PARD3: variants seen among roughly 807,000 people sequenced by gnomAD.
PARD3 encodes partitioning defective 3 homolog.
PARD3 carries 75 observed loss-of-function variants against 155.4 expected under a neutral mutation model. That is an observed-to-expected ratio of 0.48 (90% CI 0.40 to 0.58). PARD3 has a LOEUF of 0.58. Among genes scored for constraint, PARD3 ranks in the 20% least tolerant of loss-of-function variants. The probability of loss-of-function intolerance (pLI) is 0.00; values close to 1 mark genes in which losing one functional copy is unlikely to be tolerated. For synonymous variants in PARD3, 576 were observed against 610.5 expected (o/e 0.94, Z 0.83); for missense variants, 1,642 against 1,721.7 (o/e 0.95, Z 0.82).
At chr10:34,605,415 G>C (rs1725854575) in intron 2 of PARD3, among the ~76,000 whole-genome samples, 1 of 147,298 alleles carries the variant, frequency 6.8e-6, no homozygotes, top group Non-Finnish European at 1.5e-5. Flanking sequence ...GGATGGTCTC[G>C]ATCTCCTGAC....
chr10:34,457,571 C>T (rs1474367721), intron 4 of PARD3, among the ~76,000 whole-genome samples: 3 of 152,078 alleles, frequency 2.0e-5, no homozygotes, highest in Non-Finnish European at 4.4e-5. Context: ...TACACCTACC[C>T]ACCTCAATGC....
chr10:34,535,235 A>T (rs1251401507), intron 2 of PARD3, among the ~76,000 whole-genome samples: 1 of 152,184 alleles, frequency 6.6e-6, no homozygotes, highest in Non-Finnish European at 1.5e-5. Flanking sequence ...AGGAGAATGG[A>T]AAGAAGAAAT....
In PARD3 at chr10:34,600,962, A is replaced by ATT. The variant is rs1028271994; in HGVS notation, c.223-83805_223-83804dup. ...GCCACCATGCCCGCCCATTTTTTTA[A>ATT]TTTTTTTTTTTTTTTTTTTTTTTTT... is the stretch of plus-strand genomic sequence containing the variant. On this transcript the variant is annotated intron_variant, in intron 2 of 24. Coordinates refer to ENST00000374788, the MANE Select transcript of PARD3 (RefSeq NM_001184785.2). Among the ~76,000 whole-genome samples, 294 of 90,098 alleles carry ATT rather than the reference A, an allele frequency of 3.3e-3. 4 individuals are homozygous for ATT. The highest frequency in any genetic ancestry group is 0.016 in the South Asian group (37 of 2,368). 59.1% of individuals were successfully genotyped at this position (90,098 alleles called of 152,430 possible). A position where few individuals can be genotyped will look rare whatever the true frequency, so the allele number is the denominator to read the frequency against.
intron 2 of PARD3, among the ~76,000 whole-genome samples, chr10:34,560,911 A>G (rs902414576): frequency 6.6e-5 from 10 of 152,172 alleles, no homozygotes; most frequent in Non-Finnish European, 1.5e-4. Context: ...AAATGTCAGA[A>G]CTGTATTTCA....
intron 22 of PARD3, among the ~76,000 whole-genome samples, chr10:34,238,379 T>C (rs1033074033): frequency 4.6e-5 from 7 of 152,208 alleles, no homozygotes; most frequent in Non-Finnish European, 8.8e-5. Flanking sequence ...CCTGGTTGTT[T>C]TAATTTGGTC....
chr10:34,750,691 A>T lies in PARD3; in HGVS notation c.121-54272T>A, dbSNP rs1167063446. ...GATTATTCTTGGTAATGACATAACA[A>T]TTTTTTTTTTTTTTTGAGATGGAGT... On this transcript the variant is annotated intron_variant, in intron 1 of 24. Transcript: ENST00000374788. Among the ~76,000 whole-genome samples, 17 of 143,742 alleles carry T rather than the reference A, an allele frequency of 1.2e-4. No individual in the cohort carries two copies. In the South Asian group the frequency reaches 2.7e-3, roughly 23 times the overall value. The allele number at this position is 143,742 out of a possible 152,430, so 94.3% of individuals were successfully genotyped here.
At chr10:34,203,497 T>C (rs1032115046) in intron 22 of PARD3, among the ~76,000 whole-genome samples, 10 of 152,228 alleles carry the variant, frequency 6.6e-5, no homozygotes, top group Middle Eastern at 3.2e-3. Flanking sequence ...AAGTCTATTA[T>C]ATAAACTGGT....
At chr10:34,638,224 T>A (rs2092552326) in intron 2 of PARD3, among the ~76,000 whole-genome samples, 5 of 152,174 alleles carry the variant, frequency 3.3e-5, no homozygotes, top group Admixed American at 2.6e-4. Context: ...AAATTCACAG[T>A]AAGTCATGAA....
chr10:34,750,287 T>C (rs1835833289), intron 1 of PARD3, among the ~76,000 whole-genome samples: 1 of 151,940 alleles, frequency 6.6e-6, no homozygotes, highest in African/African-American at 2.4e-5. Context: ...AATAAAACAG[T>C]ATATCTAATT....
chr10:34,747,144 T>C (rs947494136), intron 1 of PARD3, among the ~76,000 whole-genome samples: 1 of 152,240 alleles, frequency 6.6e-6, no homozygotes, highest in African/African-American at 2.4e-5. Flanking sequence ...CAGAAATTTG[T>C]ACATTGGAAA....
At chr10:34,478,475 G>A (rs983528373) in intron 3 of PARD3, among the ~76,000 whole-genome samples, 1 of 152,210 alleles carries the variant, frequency 6.6e-6, no homozygotes, top group African/African-American at 2.4e-5. Flanking sequence ...TGGATAACAG[G>A]ATGTTTTCAA....
chr10:34,426,918 C>A (rs1203810931), intron 5 of PARD3, among the ~76,000 whole-genome samples: 1 of 152,182 alleles, frequency 6.6e-6, no homozygotes, highest in African/African-American at 2.4e-5. Context: ...ATTTCTTACA[C>A]CTGTCTTTAC....
chr10:34,235,409 C>T lies in PARD3; in HGVS notation c.3419+34248G>A, dbSNP rs148235408. On this transcript the variant is annotated intron_variant, in intron 22 of 24. Transcript: ENST00000374788. ...AAGATTCTAGGCATGCTTCCAGAGT[C>T]GACCACATTGACTTTTTGTATAACC... is the stretch of plus-strand genomic sequence containing the variant. 5.6e-4 allele frequency among the ~76,000 whole-genome samples: 85 copies of T among 152,296 alleles called. 1 individual carries two copies. In the East Asian group the frequency reaches 0.016, roughly 29 times the overall value.
chr10:34,721,043 T>C (rs1275029719), intron 1 of PARD3, among the ~76,000 whole-genome samples: 1 of 152,198 alleles, frequency 6.6e-6, no homozygotes, highest in Non-Finnish European at 1.5e-5. Context: ...ATGAGCTGCA[T>C]TATTCCAGAA....
intron 2 of PARD3, among the ~76,000 whole-genome samples, chr10:34,652,374 T>A (rs754344682): frequency 6.6e-6 from 1 of 152,000 alleles, no homozygotes; most frequent in Non-Finnish European, 1.5e-5. Context: ...CACATATGGG[T>A]GTGATGGGGA....
chr10:34,369,231 G>A (rs1246296749), intron 12 of PARD3, among the ~76,000 whole-genome samples: 1 of 152,118 alleles, frequency 6.6e-6, no homozygotes, highest in African/African-American at 2.4e-5. Flanking sequence ...TGTGGTCCAG[G>A]ATGGCTTTGA....
At chr10:34,482,598 G>A (rs759499961) in intron 3 of PARD3, among the ~76,000 whole-genome samples, 2 of 148,290 alleles carry the variant, frequency 1.3e-5, no homozygotes, top group African/African-American at 2.6e-5. Context: ...TAAATACCAT[G>A]AGAAGCCCAG....
Position 34,317,341 on chromosome 10 carries a change from T to C in PARD3, c.2834-3A>G, listed in dbSNP as rs1336295838. ...ACTTTCTTCTGTGTCTTCTTCCACT[T>C]GGAAGGAAAGAAAAAAAAATAGGGA... On this transcript the variant is annotated splice_region_variant and splice_polypyrimidine_tract_variant and intron_variant, in intron 19 of 24. Coordinates refer to ENST00000374788, the MANE Select transcript of PARD3 (RefSeq NM_001184785.2). 6.3e-7 allele frequency: 1 copy of C among 1,585,146 alleles called. No individual in the cohort carries two copies. Among genetic ancestry groups the C allele is most frequent in the African/African-American group, 1.4e-5 (1 of 73,226 alleles).
intron 22 of PARD3, among the ~76,000 whole-genome samples, chr10:34,216,680 A>T (rs1288762577): frequency 3.3e-5 from 5 of 152,240 alleles, no homozygotes; most frequent in African/African-American, 9.6e-5. Flanking sequence ...TAGTCTTAAG[A>T]AGTTTAAGTG....
Sources: gnomAD v4.1 joint callset for allele counts (sites outside exome capture counted in the v4.1 genomes callset) on GRCh38, gnomAD v4.1.1 for gene constraint, MANE v1.5 for transcripts, NCBI Gene and HGNC (gene_info 2026-07-23, HGNC 2026-07-21) for gene names.